Variants in DSCAM observed in about 807,000 individuals in gnomAD.
DSCAM encodes the protein DS cell adhesion molecule, also known as cell adhesion molecule DSCAM.
In DSCAM, 47 loss-of-function variants were observed where a neutral mutation model predicts 217.7. The ratio of observed to expected loss-of-function variants is 0.22; its 90% confidence interval spans 0.17 to 0.28. DSCAM has a LOEUF of 0.28. DSCAM is among the 10% of genes least tolerant of loss of function. The pLI, the probability that DSCAM is intolerant of heterozygous loss-of-function variation, is 1.00. For missense variants in DSCAM, 2,080 were observed against 2,618.3 expected (o/e 0.79, Z 4.49); for synonymous variants, 1,056 against 1,015.3 (o/e 1.04, Z -0.76).
chr21:40,488,191 G>A (rs947344807), intron 3 of DSCAM, among the ~76,000 whole-genome samples: 2 of 152,154 alleles, frequency 1.3e-5, no homozygotes, highest in Middle Eastern at 3.2e-3. Context: ...TCTGTACTCC[G>A]CACCTGGAAC....
chr21:40,563,551 A>G (rs1444124436), intron 3 of DSCAM, among the ~76,000 whole-genome samples: 2 of 123,500 alleles, frequency 1.6e-5, no homozygotes, highest in Admixed American at 9.1e-5. Flanking sequence ...ATATGTTTAT[A>G]TATGTTTATA....
intron 32 of DSCAM, among the ~76,000 whole-genome samples, chr21:40,030,559 C>T (rs965968004): frequency 1.3e-5 from 2 of 152,144 alleles, no homozygotes; most frequent in African/African-American, 4.8e-5. Flanking sequence ...TTGGCGTTCA[C>T]AACAGGGATC....
In DSCAM at chr21:40,369,229, G is replaced by A; in HGVS notation, c.525C>T (p.Ile175=). ...TAATATACAAGGCTCCCGTGGATGT[G>A]ATGAGAAATCTAGATCCTGAAATAG... ...VSLVSGSRFL[I]TSTGALYIKD... Residue 175 remains isoleucine (I), a synonymous_variant, in exon 4 of 33, where the codon ATC becomes ATT. Coordinates refer to ENST00000400454, the MANE Select transcript of DSCAM (RefSeq NM_001389.5). 6.2e-7 allele frequency: 1 copy of A among 1,608,650 alleles called. No individual in the cohort carries two copies. Among genetic ancestry groups the A allele is most frequent in the Non-Finnish European group, 8.5e-7 (1 of 1,177,836 alleles).
intron 18 of DSCAM, among the ~76,000 whole-genome samples, chr21:40,134,864 C>A (rs2090190947): frequency 6.6e-6 from 1 of 152,010 alleles, no homozygotes; most frequent in South Asian, 2.1e-4. Context: ...CTCAGCCAAC[C>A]CCTCTTTTTA....
chr21:40,647,464 G>A (rs756802889), intron 3 of DSCAM, among the ~76,000 whole-genome samples: 1 of 152,044 alleles, frequency 6.6e-6, no homozygotes, highest in Non-Finnish European at 1.5e-5. Context: ...GATGAATTAT[G>A]GCTAATTTTA....
At chr21:40,686,958 C>T (rs1461059563) in intron 3 of DSCAM, among the ~76,000 whole-genome samples, 1 of 152,188 alleles carries the variant, frequency 6.6e-6, no homozygotes, top group Non-Finnish European at 1.5e-5. Context: ...GCCCTCTCTT[C>T]CTATTTCTCA....
intron 1 of DSCAM, among the ~76,000 whole-genome samples, chr21:40,785,947 AATC>A (rs1426174187): frequency 6.6e-6 from 1 of 152,218 alleles, no homozygotes; most frequent in Admixed American, 6.5e-5. Context: ...ATCTAAAAGA[AATC>A]ATCTGGCCGG....
intron 3 of DSCAM, among the ~76,000 whole-genome samples, chr21:40,515,381 G>A (rs1445221728): frequency 6.6e-6 from 1 of 152,108 alleles, no homozygotes; most frequent in Non-Finnish European, 1.5e-5. Context: ...TTTCTCCACT[G>A]CTTTCCCTTT....
rs2090991961 is a variant in DSCAM at position 40,194,975 on chromosome 21, A to G, written c.2357-5737T>C. ...ATAATACTTAGGAGAGTGTTTCACT[A>G]TATTAATAATTTTAAAGGGTGTTCC... On this transcript the variant is annotated intron_variant, in intron 11 of 32. Transcript: ENST00000400454. Among the ~76,000 whole-genome samples the G allele has an allele frequency of 2.0e-5, 3 of 152,244 alleles. No homozygotes were observed. In the South Asian group the frequency reaches 6.2e-4, roughly 31 times the overall value.
chr21:40,789,034 A>G (rs916579600), intron 1 of DSCAM, among the ~76,000 whole-genome samples: 1 of 152,172 alleles, frequency 6.6e-6, no homozygotes, highest in African/African-American at 2.4e-5. Context: ...CATAGTCGGT[A>G]TTCATTATGC....
intron 4 of DSCAM, among the ~76,000 whole-genome samples, chr21:40,364,413 C>A (rs2074804509): frequency 6.6e-6 from 1 of 151,234 alleles, no homozygotes; most frequent in African/African-American, 2.4e-5. Flanking sequence ...TCATTCTCAG[C>A]AAACTGTCGC....
chr21:40,375,646 C>T (rs923981843), intron 3 of DSCAM, among the ~76,000 whole-genome samples: 4 of 152,122 alleles, frequency 2.6e-5, no homozygotes, highest in Non-Finnish European at 5.9e-5. Context: ...TTAACATTTC[C>T]CTCCTTCATC....
chr21:40,433,601 A>AT (rs1454644394), intron 3 of DSCAM, among the ~76,000 whole-genome samples: 3 of 152,218 alleles, frequency 2.0e-5, no homozygotes, highest in African/African-American at 7.2e-5. Flanking sequence ...GGTAGGATTT[A>AT]TTTTTTTCTA....
chr21:40,158,871 G>A (rs975444954), intron 16 of DSCAM, among the ~76,000 whole-genome samples: 11 of 152,210 alleles, frequency 7.2e-5, no homozygotes, highest in African/African-American at 2.7e-4. Context: ...GGAATTGAAA[G>A]AATTTGAAGT....
chr21:40,412,860 C>A (rs993556686), intron 3 of DSCAM, among the ~76,000 whole-genome samples: 3 of 152,182 alleles, frequency 2.0e-5, no homozygotes, highest in Non-Finnish European at 2.9e-5. Flanking sequence ...CCATCACAGA[C>A]CTGAAGGAAA....
chr21:40,664,394 G>A (rs1423777399), intron 3 of DSCAM, among the ~76,000 whole-genome samples: 1 of 152,186 alleles, frequency 6.6e-6, no homozygotes, highest in Non-Finnish European at 1.5e-5. Context: ...TGAGGAGGAA[G>A]TTCCCTGCCC....
intron 3 of DSCAM, among the ~76,000 whole-genome samples, chr21:40,375,397 C>T (rs1295390645): frequency 6.6e-6 from 1 of 152,224 alleles, no homozygotes. Context: ...TCTCCAAAAG[C>T]TTCCACTCCA....
chr21:40,389,255 T>C (rs183506190), intron 3 of DSCAM, among the ~76,000 whole-genome samples: 2 of 152,326 alleles, frequency 1.3e-5, no homozygotes, highest in Admixed American at 1.3e-4. Context: ...ATGTCTAGCA[T>C]TGAAACCATC....
At chr21:40,640,191 A>AG (rs2089860485) in intron 3 of DSCAM, among the ~76,000 whole-genome samples, 2 of 152,212 alleles carry the variant, frequency 1.3e-5, no homozygotes, top group Admixed American at 1.3e-4. Flanking sequence ...GAAGTGGCAG[A>AG]AAACTATGGG....
Sources: allele counts gnomAD v4.1 joint callset (sites outside exome capture counted in the v4.1 genomes callset), GRCh38; gene constraint gnomAD v4.1.1; transcripts MANE v1.5; gene names NCBI Gene and HGNC (gene_info 2026-07-23, HGNC 2026-07-21).